CCDC60: variants seen among roughly 807,000 people sequenced by gnomAD.
CCDC60 encodes coiled-coil domain-containing protein 60.
CCDC60 carries 54 observed loss-of-function variants against 63.5 expected under a neutral mutation model. The observed-to-expected ratio is 0.85, with a 90% CI of 0.68 to 1.07. The LOEUF is 1.07. CCDC60 is among the 50% of genes least tolerant of loss of function. The pLI, the probability that CCDC60 is intolerant of heterozygous loss-of-function variation, is 0.00. For missense variants in CCDC60, 651 were observed against 684.3 expected, an observed-to-expected ratio of 0.95 and a Z score of 0.54; for synonymous variants, 206 against 238.8, an observed-to-expected ratio of 0.86 and a Z score of 1.27.
chr12:119,507,614 A>ATTTTTT (rs1184630442), intron 7 of CCDC60, among the ~76,000 whole-genome samples: 8 of 50,492 alleles, frequency 1.6e-4, no homozygotes, highest in Admixed American at 3.5e-4. Context: ...ATATATATAT[A>ATTTTTT]TTTTTTTTTT....
At chr12:119,528,332 C>A (rs528270574) in intron 11 of CCDC60, among the ~76,000 whole-genome samples, 2 of 152,158 alleles carry the variant, frequency 1.3e-5, no homozygotes, top group South Asian at 4.1e-4. Context: ...TATTCCCCAT[C>A]TTAGAGACTG....
At position 119,456,060 on chromosome 12, in the gene CCDC60, A is replaced by AAAGAAAGAAAGCAAGC. The variant is rs1224088473; in HGVS notation, c.171-15931_171-15930insAAAGAAAGCAAGCAAG. The stretch of plus-strand genomic sequence containing the variant: ...GAAAGAAAGAAAGAAAGAAAGAAAG[A>AAAGAAAGAAAGCAAGC]AAGCAAGCAAGCATGTGCAATTTCA... On this transcript the variant is annotated intron_variant, in intron 2 of 13. Coordinates refer to ENST00000327554, the MANE Select transcript of CCDC60 (RefSeq NM_178499.5). The surrounding 1 kb of genome is among the most constrained non-coding windows in gnomAD (Gnocchi z 4.6). Among the ~76,000 whole-genome samples, 57 of 118,844 alleles carry AAAGAAAGAAAGCAAGC rather than the reference A, an allele frequency of 4.8e-4. No individual in the cohort carries two copies. The highest frequency in any genetic ancestry group is 1.4e-3 in the African/African-American group (43 of 31,448). 78.0% of individuals were successfully genotyped at this position (118,844 alleles called of 152,430 possible). A position where few individuals can be genotyped will look rare whatever the true frequency, so the allele number is the denominator to read the frequency against.
chr12:119,356,978 G>T (rs1444680874), intron 1 of CCDC60, among the ~76,000 whole-genome samples: 1 of 152,182 alleles, frequency 6.6e-6, no homozygotes, highest in Admixed American at 6.5e-5. Flanking sequence ...ACAGTGAAAA[G>T]ATCCATGCAA....
chr12:119,525,344 T>A (rs977638804), intron 11 of CCDC60, among the ~76,000 whole-genome samples: 2 of 152,066 alleles, frequency 1.3e-5, no homozygotes, highest in African/African-American at 4.8e-5. Context: ...CCAAGACACA[T>A]AATCATCAGG....
rs150158733 is a variant in CCDC60, at chr12:119,404,962, C to A, written c.91-23721C>A. Among the ~76,000 whole-genome samples, 1,329 of 152,304 alleles carry A rather than the reference C, an allele frequency of 8.7e-3. 10 individuals carry two copies. Among genetic ancestry groups the A allele is most frequent in the Middle Eastern group, 0.048 (14 of 294 alleles). Reference sequence around the variant, plus strand: ...ACCTCCTTCTAATTTGCATGATGAACCTGCTTGGGTCTCTGATTAACCCCA... The same window carrying A: ...ACCTCCTTCTAATTTGCATGATGAAACTGCTTGGGTCTCTGATTAACCCCA... On this transcript the variant is annotated intron_variant, in intron 1 of 13. Coordinates refer to ENST00000327554, the MANE Select transcript of CCDC60 (RefSeq NM_178499.5).
In CCDC60 at chr12:119,507,555, TA is replaced by T. The variant is rs1566050095; in HGVS notation, c.883+2253del. Among the ~76,000 whole-genome samples, 50 of 69,186 alleles carry T rather than the reference TA, an allele frequency of 7.2e-4. 1 individual carries two copies. Among genetic ancestry groups the T allele is most frequent in the Non-Finnish European group, 9.7e-4 (41 of 42,212 alleles). 45.4% of individuals were successfully genotyped at this position (69,186 alleles called of 152,430 possible). ...ATATATATACACATATATATACATATATATATATATATATGTATATATACAC... is the reference window on the plus strand; with the variant it reads ...ATATATATACACATATATATACATATTATATATATATATGTATATATACAC... On this transcript the variant is annotated intron_variant, in intron 7 of 13. Transcript: ENST00000327554.
intron 9 of CCDC60, 32 bp from the exon 10 acceptor site, chr12:119,522,907 G>A (rs757400562): frequency 6.5e-5 from 104 of 1,611,468 alleles, no homozygotes; most frequent in Admixed American, 3.2e-4. Flanking sequence ...AGCAGACTCT[G>A]AGCAACTTGA....
chr12:119,455,089 C>G (rs770558948), intron 2 of CCDC60, among the ~76,000 whole-genome samples: 1 of 151,670 alleles, frequency 6.6e-6, no homozygotes, highest in Non-Finnish European at 1.5e-5. Context: ...TCGGGAAAGG[C>G]AGCTGGGAAA....
At chr12:119,451,614 C>T (rs947492482) in intron 2 of CCDC60, among the ~76,000 whole-genome samples, 2 of 152,100 alleles carry the variant, frequency 1.3e-5, no homozygotes, top group Non-Finnish European at 2.9e-5. Context: ...TGGAAGTCTC[C>T]GGCCCTCAAA....
In CCDC60 at chr12:119,338,333, G is replaced by A. The variant is rs370608986; in HGVS notation, c.90+3067G>A. On this transcript the variant is annotated intron_variant, in intron 1 of 13. Coordinates refer to ENST00000327554, the MANE Select transcript of CCDC60 (RefSeq NM_178499.5). ...CTGCAGTCATGATCATGATCATGAC[G>A]ATAGTTGGCATGTATTGAGTATGCA... is the stretch of plus-strand genomic sequence containing the variant. Among the ~76,000 whole-genome samples the A allele has an allele frequency of 3.6e-4, 55 of 152,228 alleles. No individual in the cohort carries two copies. The East Asian group carries it at 7.3e-3, about 20-fold the overall frequency.
In CCDC60 at chr12:119,538,033, A is replaced by G. The variant is rs188257330; in HGVS notation, c.1552-2581A>G. ...TGCCCTGCCCCCAGAGGTGGAATCTACAGAGGCAACAGGCCTTGCTGAGCT... is the reference window on the plus strand; with the variant it reads ...TGCCCTGCCCCCAGAGGTGGAATCTGCAGAGGCAACAGGCCTTGCTGAGCT... On this transcript the variant is annotated intron_variant, in intron 13 of 13. Transcript: ENST00000327554. 7.2e-5 allele frequency among the ~76,000 whole-genome samples: 11 copies of G among 152,366 alleles called. No homozygotes were observed. In the East Asian group the frequency reaches 1.5e-3, roughly 21 times the overall value.
chr12:119,404,817 C>G (rs1458477883), intron 1 of CCDC60, among the ~76,000 whole-genome samples: 1 of 152,074 alleles, frequency 6.6e-6, no homozygotes, highest in South Asian at 2.1e-4. Flanking sequence ...CAAAGATCCT[C>G]ACCACTCCCT....
At chr12:119,392,049 G>GC (rs1956168671) in intron 1 of CCDC60, among the ~76,000 whole-genome samples, 1 of 152,122 alleles carries the variant, frequency 6.6e-6, no homozygotes, top group Non-Finnish European at 1.5e-5. Flanking sequence ...GCTAACTCAG[G>GC]CCCCCCTCAA....
At chr12:119,391,641 T>A (rs1221371128) in intron 1 of CCDC60, among the ~76,000 whole-genome samples, 1 of 152,250 alleles carries the variant, frequency 6.6e-6, no homozygotes, top group Non-Finnish European at 1.5e-5. Flanking sequence ...AATGTGCATG[T>A]CATGTGATGC....
chr12:119,476,939 A>G (rs768869743), intron 3 of CCDC60, among the ~76,000 whole-genome samples: 2 of 152,208 alleles, frequency 1.3e-5, no homozygotes, highest in Admixed American at 1.3e-4. Flanking sequence ...CTTCTGCTAC[A>G]GTTACTATTG....
intron 1 of CCDC60, among the ~76,000 whole-genome samples, chr12:119,394,322 T>C (rs1378692031): frequency 6.6e-6 from 1 of 152,218 alleles, no homozygotes; most frequent in East Asian, 1.9e-4. Flanking sequence ...GTCTCTTGTC[T>C]CCCCAACGTC....
chr12:119,493,530 T>C (rs1236581287), intron 5 of CCDC60, among the ~76,000 whole-genome samples: 1 of 150,396 alleles, frequency 6.6e-6, no homozygotes, highest in Non-Finnish European at 1.5e-5. Flanking sequence ...CTCTGCTTTA[T>C]TGAGAAAAAA....
At chr12:119,411,706 A>T (rs1295918650) in intron 1 of CCDC60, among the ~76,000 whole-genome samples, 1 of 151,936 alleles carries the variant, frequency 6.6e-6, no homozygotes, top group Admixed American at 6.6e-5. Context: ...TTCTCGGGAG[A>T]GAAAGAGGAG....
At chr12:119,532,062 G>A (rs953905956) in intron 13 of CCDC60, among the ~76,000 whole-genome samples, 1 of 152,156 alleles carries the variant, frequency 6.6e-6, no homozygotes, top group Admixed American at 6.5e-5. Flanking sequence ...AGAATGACCT[G>A]GGTGTGTTAA....
Sources: gnomAD v4.1 joint callset for allele counts (sites outside exome capture counted in the v4.1 genomes callset) on GRCh38, gnomAD v4.1.1 for gene constraint, Gnocchi (gnomAD v3.1) non-coding constraint, MANE v1.5 for transcripts, NCBI Gene and HGNC (gene_info 2026-07-23, HGNC 2026-07-21) for gene names.